GPC3: variants seen among roughly 807,000 people sequenced by gnomAD.
GPC3 encodes the protein glypican 3, also known as glypican-3.
GPC3 carries 3 observed loss-of-function variants against 34.4 expected under a neutral mutation model. The observed-to-expected ratio is 0.09, with a 90% CI of 0.04 to 0.23. The LOEUF is 0.23. Among genes scored for constraint, GPC3 ranks in the 10% least tolerant of loss-of-function variants. GPC3 has a pLI of 1.00. For synonymous variants in GPC3, 177 were observed against 174.0 expected, an observed-to-expected ratio of 1.02 and a Z score of -0.13; for missense variants, 351 against 445.6, an observed-to-expected ratio of 0.79 and a Z score of 1.91.
chrX:133,692,339 T>C (rs1344673206), intron 5 of GPC3, 30 bp downstream of exon 5: 3 of 1,192,580 alleles, frequency 2.5e-6, no homozygotes, highest in Non-Finnish European at 2.3e-6. Flanking sequence ...TCCTCAAATA[T>C]TGCTATATGT....
chrX:133,742,418 G>C (rs1569424067), intron 3 of GPC3, among the ~76,000 whole-genome samples: 1 of 111,452 alleles, frequency 9.0e-6, no homozygotes, highest in Non-Finnish European at 1.9e-5. Flanking sequence ...CCCACACCCA[G>C]AACTCAGTAA....
intron 3 of GPC3, among the ~76,000 whole-genome samples, chrX:133,745,604 T>C (rs1368201052): frequency 1.8e-5 from 2 of 112,681 alleles, no homozygotes; most frequent in African/African-American, 6.4e-5. Context: ...CTGAGAAAAC[T>C]GCCACTGTTC....
intron 2 of GPC3, among the ~76,000 whole-genome samples, chrX:133,843,691 T>C (rs2075835269): frequency 9.0e-6 from 1 of 111,310 alleles, no homozygotes; most frequent in African/African-American, 3.3e-5. Context: ...TAAATTATTA[T>C]TGTTGTTTTA....
chrX:133,607,945 T>A (rs1414767803), intron 6 of GPC3, among the ~76,000 whole-genome samples: 1 of 112,748 alleles, frequency 8.9e-6, no homozygotes, highest in East Asian at 2.8e-4. Context: ...CCTCTGCCAA[T>A]TCCCAGATAA....
intron 7 of GPC3, among the ~76,000 whole-genome samples, chrX:133,583,532 T>G (rs1344099075): frequency 4.5e-5 from 5 of 110,972 alleles, no homozygotes; most frequent in African/African-American, 1.6e-4. Flanking sequence ...GCCTGGCTAA[T>G]TTTTGTATTT....
intron 3 of GPC3, among the ~76,000 whole-genome samples, chrX:133,750,673 C>A (rs1486451789): frequency 8.9e-6 from 1 of 112,235 alleles, no homozygotes; most frequent in African/African-American, 3.2e-5. Flanking sequence ...ATACACAAAG[C>A]AGATGTTTAA....
chrX:133,586,785 G>A (rs1451103856), intron 7 of GPC3, among the ~76,000 whole-genome samples: 1 of 111,894 alleles, frequency 8.9e-6, no homozygotes, highest in Admixed American at 9.5e-5. Flanking sequence ...GAATGGGGAT[G>A]ATGGAGAACA....
intron 2 of GPC3, among the ~76,000 whole-genome samples, chrX:133,905,439 T>A (rs911550594): frequency 2.7e-5 from 3 of 112,271 alleles, no homozygotes; most frequent in Non-Finnish European, 5.6e-5. Flanking sequence ...CACTATAAAG[T>A]TAACTGTGGT....
chrX:133,914,089 G>A (rs1015448252), intron 2 of GPC3, among the ~76,000 whole-genome samples: 1 of 111,164 alleles, frequency 9.0e-6, no homozygotes, highest in Non-Finnish European at 1.9e-5. Context: ...ATTAAGGCTT[G>A]TTTATTTGAA....
intron 2 of GPC3, among the ~76,000 whole-genome samples, chrX:133,767,299 AT>A (rs1439268578): frequency 9.0e-6 from 1 of 111,681 alleles, no homozygotes; most frequent in Non-Finnish European, 1.9e-5. Flanking sequence ...AACAACAATA[AT>A]TCCCCAGAAA....
intron 2 of GPC3, among the ~76,000 whole-genome samples, chrX:133,899,548 C>T (rs752673455): frequency 9.0e-6 from 1 of 111,562 alleles, no homozygotes; most frequent in Non-Finnish European, 1.9e-5. Context: ...TTCAATGAAT[C>T]CCATTCTACT....
At chrX:133,581,918 A>G (rs2069735372) in intron 7 of GPC3, among the ~76,000 whole-genome samples, 1 of 112,387 alleles carries the variant, frequency 8.9e-6, no homozygotes, top group African/African-American at 3.2e-5. Flanking sequence ...TACAGAGACA[A>G]CATGATTTTA....
intron 1 of GPC3, among the ~76,000 whole-genome samples, chrX:133,980,423 G>A (rs188375359): frequency 5.3e-5 from 6 of 112,331 alleles, no homozygotes; most frequent in Non-Finnish European, 1.1e-4. Flanking sequence ...TAGAAATTCT[G>A]TTTTTGTAAA....
At chrX:133,826,368 G>T (rs1431778141) in intron 2 of GPC3, among the ~76,000 whole-genome samples, 1 of 111,609 alleles carries the variant, frequency 9.0e-6, no homozygotes, top group African/African-American at 3.3e-5. Context: ...AAACTAAATA[G>T]AAATTCTGGA....
chrX:133,629,521 A>G (rs143041357), intron 6 of GPC3, among the ~76,000 whole-genome samples: 6,856 of 109,725 alleles, frequency 0.062, 575 homozygotes, highest in African/African-American at 0.21. Context: ...TCGGCCTCCC[A>G]AGTAGCTGGG....
At chrX:133,792,138 C>G (rs1419671214) in intron 2 of GPC3, among the ~76,000 whole-genome samples, 1 of 110,493 alleles carries the variant, frequency 9.1e-6, no homozygotes, top group Non-Finnish European at 1.9e-5. Flanking sequence ...CCCAGCCTCC[C>G]AAAGTGCTGT....
At chrX:133,643,322 A>C (rs1340745177) in intron 6 of GPC3, among the ~76,000 whole-genome samples, 1 of 111,717 alleles carries the variant, frequency 9.0e-6, no homozygotes, top group Non-Finnish European at 1.9e-5. Context: ...TTGCCTCCTC[A>C]CAGAAGCTAG....
At chrX:133,915,083 T>A (rs1343025566) in intron 2 of GPC3, among the ~76,000 whole-genome samples, 1 of 107,336 alleles carries the variant, frequency 9.3e-6, no homozygotes, top group Admixed American at 1.0e-4. Context: ...AAAGCATAAT[T>A]GTTAACAGCA....
intron 2 of GPC3, among the ~76,000 whole-genome samples, chrX:133,818,550 C>A (rs2075703423): frequency 9.0e-6 from 1 of 111,520 alleles, no homozygotes; most frequent in South Asian, 3.8e-4. Flanking sequence ...GGATTTAAAG[C>A]AGGACTCCAG....
Sources: allele counts gnomAD v4.1 joint callset (sites outside exome capture counted in the v4.1 genomes callset), GRCh38; gene constraint gnomAD v4.1.1; transcripts MANE v1.5; gene names NCBI Gene and HGNC (gene_info 2026-07-23, HGNC 2026-07-21).